The following FRYL variants were observed in gnomAD, a reference collection of about 807,000 sequenced individuals.
FRYL encodes protein furry homolog-like.
Under a neutral mutation model 351.2 loss-of-function variants are expected in FRYL, and 150 were observed. The observed-to-expected ratio is 0.43, with a 90% confidence interval of 0.37 to 0.49. The LOEUF (loss-of-function observed/expected upper bound fraction) is 0.49. Among genes scored for constraint, FRYL ranks in the 20% least tolerant of loss-of-function variants. The probability of loss-of-function intolerance (pLI) is 0.00; values close to 1 mark genes in which losing one functional copy is unlikely to be tolerated. For missense variants in FRYL, 3,036 were observed against 3,619.3 expected (o/e 0.84, Z 4.13); for synonymous variants, 1,153 against 1,257.1 (o/e 0.92, Z 1.75).
chr4:48,642,645 T>A (rs1455579613), intron 3 of FRYL, among the ~76,000 whole-genome samples: 2 of 152,072 alleles, frequency 1.3e-5, no homozygotes, highest in African/African-American at 4.8e-5. Flanking sequence ...ATGTCCAATG[T>A]TTTTTACTTG....
At chr4:48,681,026 G>A (rs1255691934) in intron 3 of FRYL, 15 of 1,284,846 alleles carry the variant, frequency 1.2e-5, no homozygotes, top group African/African-American at 1.5e-5. Flanking sequence ...GAGCTAAGAC[G>A]TTTCATCTTA....
At chr4:48,709,204 G>A (rs1767741600) in intron 2 of FRYL, among the ~76,000 whole-genome samples, 1 of 152,170 alleles carries the variant, frequency 6.6e-6, no homozygotes, top group African/African-American at 2.4e-5. Flanking sequence ...ACAGGCATGA[G>A]CCACCGCACC....
At chr4:48,577,718 A>C (rs1291175322) in intron 23 of FRYL, among the ~76,000 whole-genome samples, 2 of 152,066 alleles carry the variant, frequency 1.3e-5, no homozygotes, top group Non-Finnish European at 2.9e-5. Context: ...TTATTTAAAA[A>C]GTAACATCCA....
chr4:48,716,945 A>C (rs1271512195), intron 1 of FRYL, among the ~76,000 whole-genome samples: 1 of 151,128 alleles, frequency 6.6e-6, no homozygotes, highest in Non-Finnish European at 1.5e-5. Context: ...TGCAGCCATA[A>C]AAAAGGATGA....
chr4:48,521,077 G>C lies in FRYL; in HGVS notation c.7660C>G (p.Leu2554Val), dbSNP rs767515608. The change falls in exon 55 of 64, where the codon CTA becomes GTA. Residue 2554 changes from leucine to valine, a missense_variant. Leu to Val is a conservative substitution (Grantham distance 32). Coordinates refer to ENST00000358350, the MANE Select transcript of FRYL (RefSeq NM_015030.2). ...RDETPTLEAS[L>V]DNANSRLPED... ...GGCAGCCGGCTGTTAGCATTATCTA[G>C]AGAAGCCTCCAAAGTTGGGGTCTCA... is the stretch of plus-strand genomic sequence containing the variant. The C allele has an allele frequency of 1.2e-6, 2 of 1,613,288 alleles. No individual in the cohort carries two copies. The highest frequency in any genetic ancestry group is 1.1e-5 in the South Asian group (1 of 90,800).
At chr4:48,586,760 A>G (rs1414812051) in intron 18 of FRYL, 32 bp from the exon 19 acceptor site, 1 of 1,367,886 alleles carries the variant, frequency 7.3e-7, no homozygotes, top group Non-Finnish European at 1.0e-6. Context: ...AATAAGAAAC[A>G]TATTACATAT....
chr4:48,515,444 T>C (rs1244202724), intron 55 of FRYL, among the ~76,000 whole-genome samples, 169 bp from the exon 56 acceptor site: 1 of 152,206 alleles, frequency 6.6e-6, no homozygotes, highest in East Asian at 1.9e-4. Context: ...CTTGGCTCAC[T>C]GCAATCTCCG....
intron 21 of FRYL, among the ~76,000 whole-genome samples, chr4:48,581,213 T>C (rs892527501): frequency 6.6e-6 from 1 of 151,932 alleles, no homozygotes; most frequent in African/African-American, 2.4e-5. Context: ...GCTAATTTTT[T>C]TTTTATATTT....
chr4:48,509,933 C>T, intron 59 of FRYL, 126 bp downstream of exon 59: 1 of 617,582 alleles, frequency 1.6e-6, no homozygotes, highest in Non-Finnish European at 2.9e-6. Flanking sequence ...GAACCTGCTG[C>T]TCTCAGGAAA....
Position 48,582,571 on chromosome 4 carries a change from C to T in FRYL, c.1912G>A (p.Val638Ile), listed in dbSNP as rs562863114. The change falls in exon 20 of 64, where the codon GTA (valine) becomes ATA (isoleucine). Residue 638 changes from valine to isoleucine, a missense_variant. By Grantham distance (29) the Val-to-Ile change is conservative. This residue lies in a region of FRYL where 492 missense variants were observed against 551.5 expected (regional missense o/e 0.89). Transcript: ENST00000358350. Reference sequence around the variant, plus strand: ...TTTATTAATTGTACCAACATCTTTACGGCATTATCAAGAAGTGTGGGATGG... The same window carrying T: ...TTTATTAATTGTACCAACATCTTTATGGCATTATCAAGAAGTGTGGGATGG... The part of the protein sequence containing the change: ...DVHPTLLDNA[V>I]KMLVQLINQW... 4.8e-5 allele frequency: 77 copies of T among 1,614,006 alleles called. No homozygotes were observed. Among genetic ancestry groups the T allele is most frequent in the East Asian group, 2.0e-4 (9 of 44,862 alleles).
chr4:48,764,280 G>A (rs995770813), intron 1 of FRYL, among the ~76,000 whole-genome samples: 1 of 152,088 alleles, frequency 6.6e-6, no homozygotes, highest in African/African-American at 2.4e-5. Flanking sequence ...TGTAATTCAA[G>A]GACTTTAGGA....
chr4:48,637,574 C>A (rs890560646), intron 3 of FRYL: 1 of 90,726 alleles, frequency 1.1e-5, no homozygotes, highest in African/African-American at 4.1e-5. Context: ...GCAATTCAAG[C>A]ATTGAATTAC....
At chr4:48,550,796 G>C (rs1732543147) in intron 37 of FRYL, 92 bp from the exon 38 acceptor site, 2 of 952,840 alleles carry the variant, frequency 2.1e-6, no homozygotes, top group African/African-American at 3.2e-5. Flanking sequence ...AAAGGAGGAC[G>C]GACGCCATGG....
chr4:48,578,886 C>A (rs1459712009), intron 23 of FRYL, 87 bp downstream of exon 23: 2 of 1,169,906 alleles, frequency 1.7e-6, no homozygotes, highest in Non-Finnish European at 2.4e-6. Context: ...GCCTTCCAAT[C>A]TGTAATACTT....
At chr4:48,609,187 T>G (rs982515399) in intron 8 of FRYL, 120 bp from the exon 9 acceptor site, 13 of 649,978 alleles carry the variant, frequency 2.0e-5, no homozygotes, top group Non-Finnish European at 3.0e-5. Flanking sequence ...TATTCATTTA[T>G]ATGATAAAAG....
intron 3 of FRYL, among the ~76,000 whole-genome samples, chr4:48,644,053 T>C (rs1578492484): frequency 6.6e-6 from 1 of 152,146 alleles, no homozygotes; most frequent in South Asian, 2.1e-4. Flanking sequence ...AAGCGATTCT[T>C]CTGCCTCAGC....
At chr4:48,682,499 A>T (rs185755496) in intron 3 of FRYL, among the ~76,000 whole-genome samples, 10 of 152,310 alleles carry the variant, frequency 6.6e-5, no homozygotes, top group African/African-American at 2.2e-4. Flanking sequence ...AATGGGAGAA[A>T]ATTTTCACAA....
chr4:48,729,166 G>T (rs751826992), intron 1 of FRYL, among the ~76,000 whole-genome samples: 3 of 152,228 alleles, frequency 2.0e-5, no homozygotes, highest in Non-Finnish European at 2.9e-5. Flanking sequence ...GTTTGCTGAG[G>T]TGCATCTGCC....
chr4:48,644,739 T>C (rs575105614), intron 3 of FRYL, among the ~76,000 whole-genome samples: 2 of 152,138 alleles, frequency 1.3e-5, no homozygotes, highest in South Asian at 4.1e-4. Flanking sequence ...AAATTCATTT[T>C]TCAAAACCTT....
Sources: gnomAD v4.1 joint callset for allele counts (sites outside exome capture counted in the v4.1 genomes callset) on GRCh38, gnomAD v4.1.1 for gene constraint, gnomAD v4.1.1 regional missense constraint, MANE v1.5 for transcripts, NCBI Gene and HGNC (gene_info 2026-07-23, HGNC 2026-07-21) for gene names.